The following FBXL13 variants were observed in gnomAD, a reference collection of about 807,000 sequenced individuals.
FBXL13 encodes F-box and leucine rich repeat protein 13.
A neutral mutation model predicts 83.6 loss-of-function variants in FBXL13; 67 were observed. That is an observed-to-expected ratio of 0.80 (90% confidence interval 0.66 to 0.98). The LOEUF (loss-of-function observed/expected upper bound fraction) is 0.98, where lower values mean the gene tolerates loss of function less well. Ranked by LOEUF, FBXL13 falls within the 50% of genes least tolerant of loss-of-function variation. The probability of loss-of-function intolerance (pLI) is 0.00; values close to 1 mark genes in which losing one functional copy is unlikely to be tolerated. For missense variants in FBXL13, 822 were observed against 866.5 expected, an observed-to-expected ratio of 0.95 and a Z score of 0.64; for synonymous variants, 272 against 299.5, an observed-to-expected ratio of 0.91 and a Z score of 0.95.
intron 2 of FBXL13, among the ~76,000 whole-genome samples, chr7:103,040,825 A>G (rs747796888): frequency 5.9e-5 from 9 of 152,208 alleles, no homozygotes; most frequent in Non-Finnish European, 1.2e-4. Flanking sequence ...ACATATTTAA[A>G]GAAGTGTGTA....
Position 102,877,596 on chromosome 7 carries a change from AAAAGAAAGTAGC to A in FBXL13, c.1509-15_1509-4del. ...TCAAGTAGTTTAAATTAGGGCAGCT[AAAAGAAAGTAGC>A]ATGGATTAATTTTAGCTGTCAATCA... On this transcript the variant is annotated splice_polypyrimidine_tract_variant and splice_region_variant and intron_variant, in intron 15 of 19. Transcript: ENST00000313221. 2 of 1,604,320 alleles carry A rather than the reference AAAAGAAAGTAGC, an allele frequency of 1.2e-6. No individual in the cohort carries two copies. Among genetic ancestry groups the A allele is most frequent in the Non-Finnish European group, 1.7e-6 (2 of 1,177,468 alleles).
intron 11 of FBXL13, among the ~76,000 whole-genome samples, chr7:102,908,897 T>C (rs1814190982): frequency 6.6e-6 from 1 of 152,222 alleles, no homozygotes; most frequent in Non-Finnish European, 1.5e-5. Flanking sequence ...AACCACTTCC[T>C]GGCTACTGCC....
At chr7:102,829,857 T>A (rs1298159148) in intron 18 of FBXL13, among the ~76,000 whole-genome samples, 1 of 152,080 alleles carries the variant, frequency 6.6e-6, no homozygotes, top group Non-Finnish European at 1.5e-5. Flanking sequence ...TCAACATAAG[T>A]GGAATATGTT....
intron 8 of FBXL13, among the ~76,000 whole-genome samples, chr7:102,954,561 A>G (rs1031369316): frequency 6.6e-6 from 1 of 152,248 alleles, no homozygotes; most frequent in Non-Finnish European, 1.5e-5. Flanking sequence ...TTAAATATAA[A>G]TGGGCTAAAT....
At chr7:103,003,722 C>T (rs568588230) in intron 6 of FBXL13, among the ~76,000 whole-genome samples, 2 of 152,220 alleles carry the variant, frequency 1.3e-5, no homozygotes, top group African/African-American at 4.8e-5. Context: ...GCTGGGATTA[C>T]AGGCGTGTGC....
intron 15 of FBXL13, 83 bp downstream of exon 16, chr7:102,878,248 A>T: frequency 8.2e-7 from 1 of 1,225,870 alleles, no homozygotes; most frequent in Non-Finnish European, 1.1e-6. Flanking sequence ...ATGTCATGAA[A>T]TCTTTGCTTT....
chr7:102,828,174 A>G (rs1800066367), intron 18 of FBXL13, among the ~76,000 whole-genome samples: 1 of 152,182 alleles, frequency 6.6e-6, no homozygotes, highest in Non-Finnish European at 1.5e-5. Context: ...TACCTTGGGC[A>G]GTATGGCCAT....
At chr7:103,052,612 A>AT (rs1796930809) in intron 2 of FBXL13, among the ~76,000 whole-genome samples, 1 of 152,114 alleles carries the variant, frequency 6.6e-6, no homozygotes, top group African/African-American at 2.4e-5. Flanking sequence ...GTCATATCTC[A>AT]TTTTTATTAT....
intron 2 of FBXL13, among the ~76,000 whole-genome samples, chr7:103,051,029 T>C (rs1796758531): frequency 6.6e-6 from 1 of 151,014 alleles, no homozygotes; most frequent in African/African-American, 2.4e-5. Context: ...GATTTTGTCA[T>C]TTCTCTAAGA....
intron 6 of FBXL13, among the ~76,000 whole-genome samples, chr7:102,986,557 G>A (rs1003569837): frequency 7.9e-5 from 12 of 152,246 alleles, no homozygotes; most frequent in African/African-American, 2.4e-4. Context: ...ACAGCCGCCC[G>A]TGTGGATGTG....
At chr7:102,839,467 C>G (rs543323854) in intron 17 of FBXL13, among the ~76,000 whole-genome samples, 3 of 152,180 alleles carry the variant, frequency 2.0e-5, no homozygotes, top group African/African-American at 4.8e-5. Context: ...TCCCACCTGA[C>G]GAGAAATACC....
At chr7:102,943,336 C>CA (rs58320878) in intron 8 of FBXL13, among the ~76,000 whole-genome samples, 21 of 142,762 alleles carry the variant, frequency 1.5e-4, no homozygotes, top group African/African-American at 5.4e-4. Context: ...AAGTAAATAC[C>CA]AAAAAAAAAA....
chr7:102,949,576 A>G (rs940413329), intron 8 of FBXL13, among the ~76,000 whole-genome samples: 3 of 152,172 alleles, frequency 2.0e-5, no homozygotes, highest in Admixed American at 2.0e-4. Flanking sequence ...TATTACCAAG[A>G]TAAGACAGAC....
chr7:102,913,064 AAG>A lies in FBXL13; in HGVS notation c.1008+20_1008+21del, dbSNP rs1359195230. 1.9e-6 allele frequency: 3 copies of A among 1,613,904 alleles called. No homozygotes were observed. Among genetic ancestry groups the A allele is most frequent in the Non-Finnish European group, 2.5e-6 (3 of 1,179,954 alleles). On this transcript the variant is annotated intron_variant, in intron 11 of 19. Coordinates refer to ENST00000313221, the Ensembl canonical transcript of FBXL13. ...GAGAACTTCCTCACACACCGCAGCA[AAG>A]AGAAGACTGAAAGACAAACCTGGGT...
At chr7:103,060,265 C>G (rs781559728) in intron 1 of FBXL13, among the ~76,000 whole-genome samples, 2 of 151,362 alleles carry the variant, frequency 1.3e-5, no homozygotes, top group Admixed American at 6.6e-5. Flanking sequence ...GTTGCCCAGG[C>G]TAGTCCTGAA....
intron 16 of FBXL13, among the ~76,000 whole-genome samples, chr7:102,870,302 C>T (rs1808356401): frequency 6.6e-6 from 1 of 152,104 alleles, no homozygotes; most frequent in South Asian, 2.1e-4. Context: ...AATCTAGAGA[C>T]ATTAACCATC....
In FBXL13 at chr7:102,977,374, G is replaced by A. The variant is rs748746142; in HGVS notation, c.496-9257C>T. Among the ~76,000 whole-genome samples, 6 of 152,352 alleles carry A rather than the reference G, an allele frequency of 3.9e-5. No individual in the cohort carries two copies. The East Asian group carries it at 1.2e-3, about 29-fold the overall frequency. ...TTAGCAGAAGAGGGTGGAGTCTGTG[G>A]TAACTTTAATGTCTCCAATTGTTGT... On this transcript the variant is annotated intron_variant, in intron 6 of 19. Transcript: ENST00000313221.
intron 16 of FBXL13, among the ~76,000 whole-genome samples, chr7:102,859,727 A>G (rs760651367): frequency 6.6e-6 from 1 of 152,326 alleles, no homozygotes; most frequent in South Asian, 2.1e-4. Flanking sequence ...GCATCACTGC[A>G]ATGGAAATCA....
At chr7:102,946,230 C>T (rs1452352115) in intron 8 of FBXL13, among the ~76,000 whole-genome samples, 2 of 152,222 alleles carry the variant, frequency 1.3e-5, no homozygotes, top group African/African-American at 4.8e-5. Context: ...AAGAGCTTCA[C>T]ATATGCTACT....
Sources: allele counts gnomAD v4.1 joint callset (sites outside exome capture counted in the v4.1 genomes callset), GRCh38; gene constraint gnomAD v4.1.1; transcripts MANE v1.5; gene names NCBI Gene and HGNC (gene_info 2026-07-23, HGNC 2026-07-21).